The following HORMAD2 variants were observed in gnomAD, a reference collection of about 807,000 sequenced individuals.
The protein encoded by HORMAD2 is HORMA domain containing 2, also known as HORMA domain-containing protein 2.
HORMAD2 carries 45 observed loss-of-function variants against 38.8 expected under a neutral mutation model. That is an observed-to-expected ratio of 1.16 (90% CI 0.91 to 1.49). The LOEUF is 1.49. Among genes scored for constraint, HORMAD2 ranks in the 40% most tolerant of loss-of-function variants. The pLI is 0.00. For synonymous variants in HORMAD2, 126 were observed against 122.8 expected, an observed-to-expected ratio of 1.03 and a Z score of -0.17; for missense variants, 338 against 367.0, an observed-to-expected ratio of 0.92 and a Z score of 0.65.
In HORMAD2 at chr22:30,145,254, A is replaced by C. The variant is rs140093726; in HGVS notation, c.819+23040A>C. Among the ~76,000 whole-genome samples the C allele has an allele frequency of 1.3e-4, 20 of 152,372 alleles. No individual in the cohort carries two copies. In the East Asian group the frequency reaches 3.9e-3, roughly 29 times the overall value. ...CTGGCAAAGGCAAAACTATAGGCACAGAAAAAAATCAGTAGTTGCCAGGGC... is the reference window on the plus strand; with the variant it reads ...CTGGCAAAGGCAAAACTATAGGCACCGAAAAAAATCAGTAGTTGCCAGGGC... On this transcript the variant is annotated intron_variant, in intron 10 of 10. Transcript: ENST00000336726.
intron 10 of HORMAD2, among the ~76,000 whole-genome samples, chr22:30,153,506 G>A (rs1488491752): frequency 6.6e-6 from 1 of 152,086 alleles, no homozygotes; most frequent in East Asian, 1.9e-4. Flanking sequence ...ACAAGAACTG[G>A]CCAAGTTCAT....
rs546057945 is a variant in HORMAD2 at position 30,146,363 on chromosome 22, C to T, written c.819+24149C>T. Among the ~76,000 whole-genome samples the T allele has an allele frequency of 2.3e-3, 355 of 152,112 alleles. 6 individuals carry two copies. The highest frequency in any genetic ancestry group is 8.1e-3 in the African/African-American group (338 of 41,504). ...AAAAAAAATTAGCCATGCCTGGGGGCGCGTGCCTATAGTCCCAGCTGCTTG... is the reference window on the plus strand; with the variant it reads ...AAAAAAAATTAGCCATGCCTGGGGGTGCGTGCCTATAGTCCCAGCTGCTTG... On this transcript the variant is annotated intron_variant, in intron 10 of 10. Transcript: ENST00000336726.
chr22:30,180,377 T>A (rs923307740), downstream of HORMAD2, among the ~76,000 whole-genome samples: 3 of 152,120 alleles, frequency 2.0e-5, no homozygotes, highest in African/African-American at 7.2e-5. Flanking sequence ...AAGGGGTTGT[T>A]GTTTGGGTAT....
intron 7 of HORMAD2, among the ~76,000 whole-genome samples, chr22:30,114,157 A>C (rs1483268704): frequency 2.6e-5 from 4 of 152,216 alleles, no homozygotes; most frequent in Non-Finnish European, 4.4e-5. Flanking sequence ...TATAATAATG[A>C]AGTTAGGAAA....
intron 10 of HORMAD2, among the ~76,000 whole-genome samples, chr22:30,175,357 G>A (rs1926393199): frequency 1.9e-5 from 2 of 105,292 alleles, no homozygotes; most frequent in Admixed American, 1.0e-4. Context: ...TCCTTCCAAA[G>A]AAAAAACATA....
intron 1 of HORMAD2, among the ~76,000 whole-genome samples, chr22:30,093,309 G>A (rs751603478): frequency 6.6e-6 from 1 of 151,854 alleles, no homozygotes; most frequent in African/African-American, 2.4e-5. Flanking sequence ...TATTTTAATG[G>A]GTATGAAGTA....
intron 10 of HORMAD2, among the ~76,000 whole-genome samples, chr22:30,131,480 A>G (rs1923279334): frequency 6.6e-6 from 1 of 152,206 alleles, no homozygotes; most frequent in African/African-American, 2.4e-5. Context: ...TGTAACTAGA[A>G]ATCTTGATCC....
At chr22:30,119,573 G>A (rs568725390) in intron 8 of HORMAD2, among the ~76,000 whole-genome samples, 1 of 152,282 alleles carries the variant, frequency 6.6e-6, no homozygotes, top group South Asian at 2.1e-4. Flanking sequence ...GTTACTAATG[G>A]GTTAAATAGC....
At chr22:30,115,128 A>C (rs1033050452) in intron 7 of HORMAD2, among the ~76,000 whole-genome samples, 1 of 151,784 alleles carries the variant, frequency 6.6e-6, no homozygotes, top group African/African-American at 2.4e-5. Flanking sequence ...AATACTCTTT[A>C]TTTTTTATTT....
At chr22:30,151,108 G>A (rs1439492739) in intron 10 of HORMAD2, among the ~76,000 whole-genome samples, 2 of 152,128 alleles carry the variant, frequency 1.3e-5, no homozygotes, top group Non-Finnish European at 2.9e-5. Context: ...CTGGTCCTCG[G>A]TTTGGTCCAC....
chr22:30,150,352 A>G (rs937200533), intron 10 of HORMAD2, among the ~76,000 whole-genome samples: 5 of 151,650 alleles, frequency 3.3e-5, no homozygotes, highest in Non-Finnish European at 7.4e-5. Context: ...TGTTCTCTGA[A>G]CTTCCCTTTT....
At chr22:30,156,319 C>A (rs1329310273) in intron 10 of HORMAD2, among the ~76,000 whole-genome samples, 2 of 152,166 alleles carry the variant, frequency 1.3e-5, no homozygotes, top group African/African-American at 4.8e-5. Flanking sequence ...CATTTCTGTT[C>A]CCTTTGACCT....
intron 3 of HORMAD2, among the ~76,000 whole-genome samples, chr22:30,102,496 T>C (rs1920956016): frequency 6.6e-6 from 1 of 152,210 alleles, no homozygotes; most frequent in Admixed American, 6.5e-5. Flanking sequence ...CATGGGATAA[T>C]TTTCATATCC....
At chr22:30,092,450 T>C (rs1195421048) in intron 1 of HORMAD2, among the ~76,000 whole-genome samples, 1 of 151,640 alleles carries the variant, frequency 6.6e-6, no homozygotes, top group Non-Finnish European at 1.5e-5. Flanking sequence ...TCCCATTCTA[T>C]AGGCTGTCTC....
chr22:30,205,701 T>C, the HORMAD2 span, among the ~76,000 whole-genome samples: 3,237 of 151,920 alleles, frequency 0.021, 118 homozygotes, highest in African/African-American at 0.074. Context: ...ATCAGATGAG[T>C]CTTGGGGGAG....
chr22:30,139,446 A>C (rs1308814503), intron 10 of HORMAD2, among the ~76,000 whole-genome samples: 2 of 151,230 alleles, frequency 1.3e-5, no homozygotes, highest in African/African-American at 4.9e-5. Flanking sequence ...AATAGTTCTA[A>C]TAGTTTTTTT....
intron 10 of HORMAD2, among the ~76,000 whole-genome samples, chr22:30,164,385 A>T (rs777645541): frequency 6.6e-6 from 1 of 152,214 alleles, no homozygotes; most frequent in Non-Finnish European, 1.5e-5. Flanking sequence ...ACTATTTTCC[A>T]TAGCAGCTGC....
chr22:30,088,332 A>C (rs961508029), intron 1 of HORMAD2, among the ~76,000 whole-genome samples: 4 of 151,238 alleles, frequency 2.6e-5, no homozygotes, highest in Admixed American at 2.0e-4. Context: ...ATTTAATTTT[A>C]CTTTTATAAA....
the HORMAD2 span, among the ~76,000 whole-genome samples, chr22:30,190,861 G>A: frequency 1.3e-5 from 2 of 152,212 alleles, no homozygotes; most frequent in African/African-American, 4.8e-5. Context: ...AGCTCTGAAT[G>A]TCCTATCGTG....
Sources: gnomAD v4.1 joint callset for allele counts (sites outside exome capture counted in the v4.1 genomes callset) on GRCh38, gnomAD v4.1.1 for gene constraint, MANE v1.5 for transcripts, NCBI Gene and HGNC (gene_info 2026-07-23, HGNC 2026-07-21) for gene names.